LHFPL3: variants seen among roughly 807,000 people sequenced by gnomAD.
LHFPL3 encodes LHFPL tetraspan subfamily member 3 protein.
In LHFPL3, 5 loss-of-function variants were observed where a neutral mutation model predicts 19.3. That is an observed-to-expected ratio of 0.26 (90% CI 0.14 to 0.54). The LOEUF (loss-of-function observed/expected upper bound fraction) is 0.54, where lower values mean the gene tolerates loss of function less well. Ranked by LOEUF, LHFPL3 falls within the 20% of genes least tolerant of loss-of-function variation. LHFPL3 has a pLI of 0.94. For synonymous variants in LHFPL3, 133 were observed against 126.2 expected, an observed-to-expected ratio of 1.05 and a Z score of -0.36; for missense variants, 249 against 307.4, an observed-to-expected ratio of 0.81 and a Z score of 1.42.
chr7:104,339,081 C>G (rs1056471031), intron 1 of LHFPL3, among the ~76,000 whole-genome samples: 2 of 152,112 alleles, frequency 1.3e-5, no homozygotes, highest in African/African-American at 4.8e-5. Flanking sequence ...AACCCCGTCT[C>G]TACTAAAAAT....
At chr7:104,350,464 A>G (rs1036433550) in intron 1 of LHFPL3, among the ~76,000 whole-genome samples, 3 of 152,212 alleles carry the variant, frequency 2.0e-5, no homozygotes, top group Admixed American at 2.0e-4. Flanking sequence ...TAGAGAGTCT[A>G]TGAGTTGATA....
chr7:104,697,515 G>T, intron 1 of LHFPL3, among the ~76,000 whole-genome samples: 1 of 152,296 alleles, frequency 6.6e-6, no homozygotes, highest in South Asian at 2.1e-4. Context: ...ATGCCAGAAA[G>T]AAGTTTATAG....
Position 104,760,174 on chromosome 7 carries a change from C to T in LHFPL3, c.682+23263C>T, listed in dbSNP as rs142931442. Among the ~76,000 whole-genome samples, 546 of 152,316 alleles carry T rather than the reference C, an allele frequency of 3.6e-3. 5 individuals are homozygous for T. Among genetic ancestry groups the T allele is most frequent in the South Asian group, 0.027 (132 of 4,824 alleles). ...GCTGATGCTATTGGTCCAGGGACCA[C>T]ACTTTAAGAACCCCTGCTGTATAGA... On this transcript the variant is annotated intron_variant, in intron 2 of 2. Transcript: ENST00000424859.
intron 1 of LHFPL3, 104 bp downstream of exon 1, chr7:104,329,328 A>G (rs1168508474): frequency 1.4e-6 from 2 of 1,417,724 alleles, no homozygotes; most frequent in East Asian, 2.3e-5. Context: ...GCTGCGAGCC[A>G]AGCCGCCTAA....
intron 2 of LHFPL3, among the ~76,000 whole-genome samples, chr7:104,832,239 G>T (rs1355099426): frequency 1.7e-4 from 26 of 152,000 alleles, no homozygotes; most frequent in African/African-American, 6.3e-4. Flanking sequence ...AAAATCTAAA[G>T]TTGGTTGGGT....
At chr7:104,721,387 G>A (rs769569448) in intron 1 of LHFPL3, among the ~76,000 whole-genome samples, 23 of 152,242 alleles carry the variant, frequency 1.5e-4, no homozygotes, top group Non-Finnish European at 2.5e-4. Flanking sequence ...GGGGCCTGTC[G>A]GGGAGTGGGG....
chr7:104,525,914 C>T (rs894490166), intron 1 of LHFPL3, among the ~76,000 whole-genome samples: 2 of 152,008 alleles, frequency 1.3e-5, no homozygotes, highest in African/African-American at 4.8e-5. Context: ...CCTTTATCTT[C>T]TTTTGACTCT....
chr7:104,397,509 G>A (rs1369146540), intron 1 of LHFPL3, among the ~76,000 whole-genome samples: 1 of 152,146 alleles, frequency 6.6e-6, no homozygotes, highest in East Asian at 1.9e-4. Flanking sequence ...ATAGAAACAT[G>A]TAACTGTTGG....
At chr7:104,565,650 C>T (rs1004246893) in intron 1 of LHFPL3, among the ~76,000 whole-genome samples, 1 of 152,006 alleles carries the variant, frequency 6.6e-6, no homozygotes, top group Admixed American at 6.6e-5. Flanking sequence ...GCATGCACTT[C>T]ATCTTACTGG....
At chr7:104,619,636 C>T (rs1791407832) in intron 1 of LHFPL3, among the ~76,000 whole-genome samples, 1 of 151,962 alleles carries the variant, frequency 6.6e-6, no homozygotes, top group African/African-American at 2.4e-5. Context: ...CCACTTAATG[C>T]TTATAGTTTA....
Position 104,906,438 on chromosome 7 carries a change from A to ATCT in LHFPL3, c.*223_*224insTCT. The stretch of plus-strand genomic sequence containing the variant: ...TGGAAAGAGATGTGATCATGGATTA[A>ATCT]ACACCAGCTCATTGGAAACTCATTG... On this transcript the variant is annotated 3_prime_UTR_variant, in exon 3 of 3. Coordinates refer to ENST00000424859, the MANE Select transcript of LHFPL3 (RefSeq NM_199000.3). 1 of 557,202 alleles carries ATCT rather than the reference A, an allele frequency of 1.8e-6. No homozygotes were observed. The highest frequency in any genetic ancestry group is 2.7e-5 in the South Asian group (1 of 36,730). 34.5% of individuals were successfully genotyped at this position (557,202 alleles called of 1,614,324 possible). A position where few individuals can be genotyped will look rare whatever the true frequency, so the allele number is the denominator to read the frequency against.
chr7:104,843,734 G>C (rs2116595604), intron 2 of LHFPL3, among the ~76,000 whole-genome samples: 1 of 152,242 alleles, frequency 6.6e-6, no homozygotes, highest in African/African-American at 2.4e-5. Context: ...GTGACCAAAA[G>C]AGAGAAGTAA....
rs1312979218 is a variant in LHFPL3, at chr7:104,667,986, G to A, written c.446-68689G>A. ...CATCCTTCCCACTGCTCCACGGGCT[G>A]CTCGGGAACCCAATATCGACCGGAG... On this transcript the variant is annotated intron_variant, in intron 1 of 2. Transcript: ENST00000424859. The A allele has an allele frequency of 1.2e-5, 20 of 1,613,358 alleles. No individual in the cohort carries two copies. The Admixed American group carries it at 3.2e-4, about 26-fold the overall frequency.
At chr7:104,564,304 C>T (rs1790077634) in intron 1 of LHFPL3, among the ~76,000 whole-genome samples, 1 of 152,162 alleles carries the variant, frequency 6.6e-6, no homozygotes, top group Non-Finnish European at 1.5e-5. Context: ...ATCCCAGATG[C>T]AGTAATTCTT....
intron 1 of LHFPL3, among the ~76,000 whole-genome samples, chr7:104,600,633 C>T (rs1439395950): frequency 6.6e-6 from 1 of 152,068 alleles, no homozygotes; most frequent in African/African-American, 2.4e-5. Context: ...CCTCTTTTTG[C>T]TGGCAAAAAT....
intron 1 of LHFPL3, among the ~76,000 whole-genome samples, chr7:104,417,549 G>GT (rs1791646102): frequency 6.6e-6 from 1 of 152,014 alleles, no homozygotes; most frequent in South Asian, 2.1e-4. Flanking sequence ...GGGGTCTTGT[G>GT]TTTTTTAAAG....
chr7:104,802,165 A>T (rs1238892044), intron 2 of LHFPL3, among the ~76,000 whole-genome samples: 1 of 152,134 alleles, frequency 6.6e-6, no homozygotes, highest in African/African-American at 2.4e-5. Flanking sequence ...TTAAACCATG[A>T]GTGCTCTGTC....
intron 1 of LHFPL3, among the ~76,000 whole-genome samples, chr7:104,627,518 T>C (rs186000714): frequency 1.3e-5 from 2 of 152,304 alleles, no homozygotes; most frequent in East Asian, 3.9e-4. Flanking sequence ...CCAAGAAAGG[T>C]ATGCAATTTC....
At chr7:104,385,908 T>C (rs73712115) in intron 1 of LHFPL3, among the ~76,000 whole-genome samples, 2,328 of 130,594 alleles carry the variant, frequency 0.018, 52 homozygotes, top group African/African-American at 0.059. Flanking sequence ...CCTCCAATAA[T>C]TACTCCTCCA....
Sources: gnomAD v4.1 joint callset for allele counts (sites outside exome capture counted in the v4.1 genomes callset) on GRCh38, gnomAD v4.1.1 for gene constraint, MANE v1.5 for transcripts, NCBI Gene and HGNC (gene_info 2026-07-23, HGNC 2026-07-21) for gene names.